The following SDK2 variants were observed in gnomAD, a reference collection of about 807,000 sequenced individuals.
SDK2 encodes the protein sidekick cell adhesion molecule 2, also known as protein sidekick-2.
SDK2 carries 105 observed loss-of-function variants against 253.9 expected under a neutral mutation model. The observed-to-expected ratio is 0.41, with a 90% CI of 0.35 to 0.49. The LOEUF is 0.49. Ranked by LOEUF, SDK2 falls within the 20% of genes least tolerant of loss-of-function variation. SDK2 has a pLI of 0.06. For synonymous variants in SDK2, 1,249 were observed against 1,234.9 expected (o/e 1.01, Z -0.24); for missense variants, 2,608 against 3,003.0 (o/e 0.87, Z 3.07).
intron 3 of SDK2, among the ~76,000 whole-genome samples, chr17:73,459,440 G>A (rs1475479340): frequency 1.3e-5 from 2 of 152,192 alleles, no homozygotes; most frequent in South Asian, 2.1e-4. Context: ...CCCACCCCAC[G>A]GCCTGTATTT....
intron 1 of SDK2, among the ~76,000 whole-genome samples, chr17:73,600,397 G>A (rs182629268): frequency 3.4e-4 from 52 of 152,274 alleles, no homozygotes; most frequent in Non-Finnish European, 4.6e-4. Flanking sequence ...AAAACGGGAC[G>A]CCTTCCCAAC....
chr17:73,403,428 C>G (rs1045363535), intron 18 of SDK2, among the ~76,000 whole-genome samples: 1 of 152,084 alleles, frequency 6.6e-6, no homozygotes, highest in Non-Finnish European at 1.5e-5. Flanking sequence ...GGCCCCCGCC[C>G]CCTCCCGCCT....
chr17:73,626,704 A>G (rs2046206713), intron 1 of SDK2, among the ~76,000 whole-genome samples: 1 of 152,242 alleles, frequency 6.6e-6, no homozygotes, highest in Admixed American at 6.5e-5. Context: ...GGATGGAGGC[A>G]GGACAGAAGA....
At chr17:73,355,093 CG>C (rs1312799669) in intron 40 of SDK2, among the ~76,000 whole-genome samples, 1 of 145,612 alleles carries the variant, frequency 6.9e-6, no homozygotes. Context: ...CAGAAGGCTC[CG>C]GGGTCCCGAA....
intron 18 of SDK2, among the ~76,000 whole-genome samples, chr17:73,413,305 G>T (rs891376345): frequency 2.6e-5 from 4 of 151,834 alleles, no homozygotes; most frequent in Non-Finnish European, 5.9e-5. Context: ...ATCACCCCCA[G>T]ATCGGACCAT....
chr17:73,543,421 G>A (rs937184340), intron 1 of SDK2, among the ~76,000 whole-genome samples: 10 of 152,218 alleles, frequency 6.6e-5, no homozygotes, highest in African/African-American at 2.4e-4. Flanking sequence ...GGACAGGTGT[G>A]TGGCACAGCC....
At chr17:73,583,443 C>T (rs1179362202) in intron 1 of SDK2, among the ~76,000 whole-genome samples, 1 of 152,164 alleles carries the variant, frequency 6.6e-6, no homozygotes, top group Non-Finnish European at 1.5e-5. Flanking sequence ...GTCCCTGCAT[C>T]TCGTGATGCA....
In SDK2 at chr17:73,361,104, T is replaced by C. The variant is rs559764409; in HGVS notation, c.5467+580A>G. ...CCCTGGCTGTGAATAGGTGACCTGC[T>C]CCATCAGGTGTTTCTCAAGGTGCCA... On this transcript the variant is annotated intron_variant, in intron 39 of 44. Transcript: ENST00000392650. This position sits in a 1 kb window ranked among gnomAD's most constrained non-coding sequence, Gnocchi z 4.1. Among the ~76,000 whole-genome samples the C allele has an allele frequency of 6.7e-3, 1,014 of 152,164 alleles. 6 individuals are homozygous for C. Among genetic ancestry groups the C allele is most frequent in the Middle Eastern group, 0.034 (10 of 294 alleles).
intron 1 of SDK2, among the ~76,000 whole-genome samples, chr17:73,636,542 G>A (rs192544107): frequency 2.6e-4 from 40 of 151,954 alleles, no homozygotes; most frequent in African/African-American, 5.6e-4. Flanking sequence ...TTGGTCAGGC[G>A]TGGCAGCACG....
intron 27 of SDK2, among the ~76,000 whole-genome samples, chr17:73,391,816 C>A (rs930890727): frequency 1.3e-5 from 2 of 152,236 alleles, no homozygotes; most frequent in Non-Finnish European, 2.9e-5. Flanking sequence ...GCCCCAGAAC[C>A]GGGCTGCCCT....
intron 3 of SDK2, among the ~76,000 whole-genome samples, chr17:73,458,594 T>C (rs1488543251): frequency 2.0e-5 from 3 of 152,262 alleles, no homozygotes; most frequent in Non-Finnish European, 4.4e-5. Context: ...TTGTGCCTTC[T>C]GCTCTGGCTC....
chr17:73,638,768 T>C (rs1038905542), intron 1 of SDK2, among the ~76,000 whole-genome samples: 6 of 151,928 alleles, frequency 3.9e-5, no homozygotes, highest in Non-Finnish European at 7.4e-5. Flanking sequence ...ACAATCTCAT[T>C]TGATTATCCA....
intron 1 of SDK2, among the ~76,000 whole-genome samples, chr17:73,620,644 G>T (rs906293200): frequency 1.4e-4 from 22 of 152,208 alleles, no homozygotes; most frequent in Admixed American, 1.3e-3. Flanking sequence ...ACAAGTGCAC[G>T]TGGCATATAC....
chr17:73,508,965 G>A (rs1046149085), intron 1 of SDK2, among the ~76,000 whole-genome samples: 1 of 152,260 alleles, frequency 6.6e-6, no homozygotes, highest in Non-Finnish European at 1.5e-5. Context: ...CGGGCTTGAG[G>A]CAGCAGCCGG....
In SDK2 at chr17:73,496,485, G is replaced by A. The variant is rs1173145709; in HGVS notation, c.224+10953C>T. Among the ~76,000 whole-genome samples, 1 of 152,152 alleles carries A rather than the reference G, an allele frequency of 6.6e-6. No individual in the cohort carries two copies. The highest frequency in any genetic ancestry group is 2.4e-5 in the African/African-American group (1 of 41,424). On this transcript the variant is annotated intron_variant, in intron 2 of 44. Coordinates refer to ENST00000392650, the MANE Select transcript of SDK2 (RefSeq NM_001144952.2). The surrounding 1 kb of genome is among the most constrained non-coding windows in gnomAD (Gnocchi z 4.7). ...GGGCACGAGGGCATGAAAGAGCAGA[G>A]ACCACGGGTGCACGATGCGTTCTGC...
chr17:73,526,365 T>C (rs2064125629), intron 1 of SDK2, among the ~76,000 whole-genome samples: 1 of 152,316 alleles, frequency 6.6e-6, no homozygotes, highest in Admixed American at 6.5e-5. Flanking sequence ...AGGACCTGCA[T>C]GACCTTGGGC....
At chr17:73,556,444 A>T (rs933408814) in intron 1 of SDK2, among the ~76,000 whole-genome samples, 2 of 152,242 alleles carry the variant, frequency 1.3e-5, no homozygotes, top group African/African-American at 2.4e-5. Flanking sequence ...CCGAAGAGCC[A>T]GGTATGTCTG....
chr17:73,628,240 T>C (rs1429152504), intron 1 of SDK2, among the ~76,000 whole-genome samples: 1 of 152,200 alleles, frequency 6.6e-6, no homozygotes, highest in Non-Finnish European at 1.5e-5. Context: ...GGGGCCAGGA[T>C]GCCACCCAGC....
At chr17:73,582,878 C>T (rs1391945848) in intron 1 of SDK2, among the ~76,000 whole-genome samples, 1 of 152,178 alleles carries the variant, frequency 6.6e-6, no homozygotes, top group African/African-American at 2.4e-5. Context: ...TCTCGTCAGC[C>T]TCCCTGCAAC....
Sources: gnomAD v4.1 joint callset for allele counts (sites outside exome capture counted in the v4.1 genomes callset) on GRCh38, gnomAD v4.1.1 for gene constraint, Gnocchi (gnomAD v3.1) non-coding constraint, MANE v1.5 for transcripts, NCBI Gene and HGNC (gene_info 2026-07-23, HGNC 2026-07-21) for gene names.